Variants in FSIP1 observed in about 807,000 individuals in gnomAD.
FSIP1 encodes fibrous sheath interacting protein 1.
Under a neutral mutation model 60.9 loss-of-function variants are expected in FSIP1, and 65 were observed. The ratio of observed to expected loss-of-function variants is 1.07; its 90% confidence interval spans 0.87 to 1.31. FSIP1 has a LOEUF of 1.31. FSIP1 is among the 40% of genes most tolerant of loss of function. The pLI, the probability that FSIP1 is intolerant of heterozygous loss-of-function variation, is 0.00. For synonymous variants in FSIP1, 209 were observed against 221.2 expected (o/e 0.94, Z 0.49); for missense variants, 675 against 665.5 (o/e 1.01, Z -0.16).
chr15:39,766,825 G>A (rs759915678), intron 3 of FSIP1, among the ~76,000 whole-genome samples: 1 of 152,128 alleles, frequency 6.6e-6, no homozygotes, highest in African/African-American at 2.4e-5. Context: ...TCTCTATAAT[G>A]TGCATCACTT....
intron 10 of FSIP1, among the ~76,000 whole-genome samples, chr15:39,659,773 G>T (rs932735841): frequency 6.6e-6 from 1 of 151,986 alleles, no homozygotes; most frequent in Non-Finnish European, 1.5e-5. Context: ...AGATTTGTCA[G>T]TGTGTATATC....
At chr15:39,614,083 T>C (rs1891130122) in intron 11 of FSIP1, among the ~76,000 whole-genome samples, 1 of 152,080 alleles carries the variant, frequency 6.6e-6, no homozygotes, top group Non-Finnish European at 1.5e-5. Flanking sequence ...TGGCCAGAGT[T>C]ACGCAAGAAA....
chr15:39,719,158 C>T (rs932482135), intron 9 of FSIP1, among the ~76,000 whole-genome samples: 2 of 152,144 alleles, frequency 1.3e-5, no homozygotes, highest in African/African-American at 2.4e-5. Flanking sequence ...ATGAAAATTG[C>T]CCAGCTGCAA....
intron 10 of FSIP1, among the ~76,000 whole-genome samples, chr15:39,704,287 A>G (rs1302501187): frequency 6.6e-6 from 1 of 152,266 alleles, no homozygotes; most frequent in Non-Finnish European, 1.5e-5. Flanking sequence ...AGTTCTAAAC[A>G]AAGACACCAA....
chr15:39,699,773 G>A (rs1310964030), intron 10 of FSIP1, among the ~76,000 whole-genome samples: 2 of 152,150 alleles, frequency 1.3e-5, no homozygotes, highest in Non-Finnish European at 2.9e-5. Flanking sequence ...ACCAAATTCA[G>A]CATTCCACTC....
At chr15:39,776,142 G>GAA (rs1898047697) in intron 2 of FSIP1, among the ~76,000 whole-genome samples, 1 of 134,882 alleles carries the variant, frequency 7.4e-6, no homozygotes, top group African/African-American at 2.8e-5. Flanking sequence ...GGGAGGGAGG[G>GAA]GAGGAGCAGA....
At chr15:39,711,552 C>T (rs1310026962) in intron 10 of FSIP1, among the ~76,000 whole-genome samples, 2 of 152,076 alleles carry the variant, frequency 1.3e-5, no homozygotes, top group Non-Finnish European at 2.9e-5. Context: ...GAGGAAGTAC[C>T]AACAGTTTTC....
chr15:39,690,635 T>G (rs923387799), intron 10 of FSIP1, among the ~76,000 whole-genome samples: 3 of 152,206 alleles, frequency 2.0e-5, no homozygotes, highest in African/African-American at 7.2e-5. Flanking sequence ...GAGTCCAAGA[T>G]GAGTCCACAT....
chr15:39,607,147 C>T (rs1890855967), intron 11 of FSIP1, among the ~76,000 whole-genome samples: 2 of 152,224 alleles, frequency 1.3e-5, no homozygotes, highest in Non-Finnish European at 2.9e-5. Context: ...AGCTCAGCCC[C>T]TGCCTCCTCA....
intron 9 of FSIP1, among the ~76,000 whole-genome samples, chr15:39,723,244 T>A (rs1375666010): frequency 6.6e-6 from 1 of 152,230 alleles, no homozygotes; most frequent in Admixed American, 6.5e-5. Context: ...GACTGTTTTT[T>A]TTGAAACAGA....
chr15:39,765,934 A>T (rs548099712), intron 3 of FSIP1, among the ~76,000 whole-genome samples, 188 bp from the exon 4 acceptor site: 1 of 152,228 alleles, frequency 6.6e-6, no homozygotes, highest in Non-Finnish European at 1.5e-5. Context: ...TTATCTAACA[A>T]CCCTATGAAA....
chr15:39,685,154 C>T lies in FSIP1; in HGVS notation c.1188+28290G>A, dbSNP rs80176388. On this transcript the variant is annotated intron_variant, in intron 10 of 11. Transcript: ENST00000350221. ...GGGCTGCATTTGCAAATTCCAAGAG[C>T]ATCTTTAGGGAAAGTTTTTAGTTAA... Among the ~76,000 whole-genome samples the T allele has an allele frequency of 6.8e-3, 1,036 of 152,308 alleles. 19 individuals carry two copies. Among genetic ancestry groups the T allele is most frequent in the African/African-American group, 0.024 (988 of 41,570 alleles).
At chr15:39,694,161 A>G (rs1289716351) in intron 10 of FSIP1, among the ~76,000 whole-genome samples, 3 of 151,902 alleles carry the variant, frequency 2.0e-5, no homozygotes, top group African/African-American at 7.3e-5. Flanking sequence ...AATGATACCA[A>G]GAGATTTATT....
chr15:39,629,289 A>G (rs760776883), intron 10 of FSIP1, among the ~76,000 whole-genome samples: 3 of 152,196 alleles, frequency 2.0e-5, no homozygotes, highest in South Asian at 2.1e-4. Context: ...TCTATCATCT[A>G]TCATCGCCCT....
intron 3 of FSIP1, 126 bp downstream of exon 3, chr15:39,770,301 T>A (rs376227328): frequency 1.6e-6 from 1 of 616,964 alleles, no homozygotes; most frequent in African/African-American, 1.9e-5. Flanking sequence ...CTATGTCTTT[T>A]TTTTGGTTTA....
At chr15:39,650,578 T>C (rs559291578) in intron 10 of FSIP1, among the ~76,000 whole-genome samples, 1 of 152,332 alleles carries the variant, frequency 6.6e-6, no homozygotes, top group East Asian at 1.9e-4. Context: ...GGATCTTTGA[T>C]GGCTGAGACA....
At chr15:39,699,076 A>G (rs536857544) in intron 10 of FSIP1, among the ~76,000 whole-genome samples, 23 of 152,252 alleles carry the variant, frequency 1.5e-4, no homozygotes, top group African/African-American at 5.3e-4. Flanking sequence ...TGCTCCAACT[A>G]AGAAGGGAAA....
At chr15:39,651,303 A>C (rs1300797799) in intron 10 of FSIP1, among the ~76,000 whole-genome samples, 2 of 152,250 alleles carry the variant, frequency 1.3e-5, no homozygotes, top group Non-Finnish European at 2.9e-5. Context: ...ATGAATGTCA[A>C]AACAATCTCT....
intron 10 of FSIP1, among the ~76,000 whole-genome samples, chr15:39,659,473 C>T (rs1471364797): frequency 6.0e-5 from 9 of 150,610 alleles, no homozygotes; most frequent in Non-Finnish European, 5.9e-5. Context: ...ACCCAGGAGG[C>T]GGAGCTTGCA....
Sources: allele counts gnomAD v4.1 joint callset (sites outside exome capture counted in the v4.1 genomes callset), GRCh38; gene constraint gnomAD v4.1.1; transcripts MANE v1.5; gene names NCBI Gene and HGNC (gene_info 2026-07-23, HGNC 2026-07-21).